The following PSMD2 variants were observed in gnomAD, a reference collection of about 807,000 sequenced individuals.
PSMD2 encodes the protein 26S proteasome non-ATPase regulatory subunit 2.
A neutral mutation model predicts 101.5 loss-of-function variants in PSMD2; 8 were observed. The ratio of observed to expected loss-of-function variants is 0.08; its 90% CI spans 0.05 to 0.14. PSMD2 has a LOEUF of 0.14. Among genes scored for constraint, PSMD2 ranks in the 10% least tolerant of loss-of-function variants. The pLI is 1.00. For synonymous variants in PSMD2, 418 were observed against 433.8 expected (o/e 0.96, Z 0.45); for missense variants, 784 against 1,147.4 (o/e 0.68, Z 4.58).
intron 1 of PSMD2, 194 bp downstream of exon 1, chr3:184,299,595 C>A: frequency 1.2e-6 from 1 of 800,446 alleles, no homozygotes; most frequent in African/African-American, 1.8e-5. Flanking sequence ...GCCGTCCCCA[C>A]CAACCCTCAC....
intron 16 of PSMD2, 76 bp from the exon 17 acceptor site, chr3:184,307,281 C>A: frequency 2.0e-6 from 3 of 1,506,754 alleles, no homozygotes. Flanking sequence ...CCCCCTTTTA[C>A]CCATCAGTCC....
rs1721887985 is a variant in PSMD2 at position 184,307,907 on chromosome 3, G to A, written c.2316G>A (p.Gly772=). 1 of 1,613,974 alleles carries A rather than the reference G, an allele frequency of 6.2e-7. No individual in the cohort carries two copies. The highest frequency in any genetic ancestry group is 1.7e-5 in the Admixed American group (1 of 59,996). ...TTTTTCAGGGCCTGACACATTTAGG[G>A]AAGGGCACCCTTACCCTCTGCCCCT... is the stretch of plus-strand genomic sequence containing the variant. The part of the protein sequence containing the change: ...VRLAQGLTHL[G]KGTLTLCPYH... Residue 772 remains glycine (G), a synonymous_variant, in exon 19 of 21, where the codon GGG becomes GGA. Coordinates refer to ENST00000310118, the MANE Select transcript of PSMD2 (RefSeq NM_002808.5).
Position 184,301,521 on chromosome 3 carries a change from ACTC to A in PSMD2, c.358-15_358-13del. ...GGACTGCTGGGTTTGACTTCAAAGAACTCTTTTCTTTATAGCGTTTTGCTGCTG... is the reference window on the plus strand; with the variant it reads ...GGACTGCTGGGTTTGACTTCAAAGAATTTTCTTTATAGCGTTTTGCTGCTG... On this transcript the variant is annotated splice_polypyrimidine_tract_variant and intron_variant, in intron 3 of 20. Coordinates refer to ENST00000310118, the MANE Select transcript of PSMD2 (RefSeq NM_002808.5). The A allele has an allele frequency of 6.2e-7, 1 of 1,612,490 alleles. No homozygotes were observed. The highest frequency in any genetic ancestry group is 8.5e-7 in the Non-Finnish European group (1 of 1,179,702).
At position 184,308,224 on chromosome 3, in the gene PSMD2, C is replaced by T. The variant is rs927682623; in HGVS notation, c.2425+208C>T. On this transcript the variant is annotated intron_variant, in intron 19 of 20. Coordinates refer to ENST00000310118, the MANE Select transcript of PSMD2 (RefSeq NM_002808.5). The surrounding 1 kb of genome is among the most constrained non-coding windows in gnomAD (Gnocchi z 6.0). ...AGAGATTTGAGGGTGATGTGCCCAG[C>T]GTCTGCTCCTAAGTCACTGGGGAAA... is the stretch of plus-strand genomic sequence containing the variant. Among the ~76,000 whole-genome samples, 2 of 152,200 alleles carry T rather than the reference C, an allele frequency of 1.3e-5. No individual in the cohort carries two copies. Among genetic ancestry groups the T allele is most frequent in the Admixed American group, 6.5e-5 (1 of 15,278 alleles).
rs1034938846 is a variant in PSMD2 at position 184,308,899 on chromosome 3, C to T, written c.*9C>T. On this transcript the variant is annotated 3_prime_UTR_variant, in exon 21 of 21. Transcript: ENST00000310118. This position sits in a 1 kb window ranked among gnomAD's most constrained non-coding sequence, Gnocchi z 6.0. ...CCAATTATGATCTCTAAGTGACCAC[C>T]AGGGGCTCTGAACTGCAGCTGATGT... is the stretch of plus-strand genomic sequence containing the variant. 5 of 1,609,332 alleles carry T rather than the reference C, an allele frequency of 3.1e-6. No homozygotes were observed. Among genetic ancestry groups the T allele is most frequent in the Non-Finnish European group, 4.2e-6 (5 of 1,178,154 alleles).
At position 184,304,231 on chromosome 3, in the gene PSMD2, G is replaced by A. The variant is rs1560195342; in HGVS notation, c.1452-73G>A. 1.1e-5 allele frequency: 17 copies of A among 1,558,428 alleles called. No individual in the cohort carries two copies. The highest frequency in any genetic ancestry group is 1.3e-5 in the Non-Finnish European group (15 of 1,129,796). On this transcript the variant is annotated intron_variant, in intron 11 of 20. Coordinates refer to ENST00000310118, the MANE Select transcript of PSMD2 (RefSeq NM_002808.5). This position sits in a 1 kb window ranked among gnomAD's most constrained non-coding sequence, Gnocchi z 4.1. ...TTGTTGAAATGGTGAATGAATGACC[G>A]ATTCTCCTTTTGTTCTTTTCTTGCT... is the stretch of plus-strand genomic sequence containing the variant.
In PSMD2 at chr3:184,304,264, T is replaced by C; in HGVS notation, c.1452-40T>C. The C allele has an allele frequency of 6.3e-7, 1 of 1,591,504 alleles. No individual in the cohort carries two copies. The highest frequency in any genetic ancestry group is 8.6e-7 in the Non-Finnish European group (1 of 1,159,420). On this transcript the variant is annotated intron_variant, in intron 11 of 20. Coordinates refer to ENST00000310118, the MANE Select transcript of PSMD2 (RefSeq NM_002808.5). This position sits in a 1 kb window ranked among gnomAD's most constrained non-coding sequence, Gnocchi z 4.1. ...TTTTGTTCTTTTCTTGCTGCATCGTTGGGTATGTGTTGGGGACCGCCTTTC... is the reference window on the plus strand; with the variant it reads ...TTTTGTTCTTTTCTTGCTGCATCGTCGGGTATGTGTTGGGGACCGCCTTTC...
chr3:184,307,558 AT>A (rs1721875865), intron 17 of PSMD2, 33 bp downstream of exon 17: 2 of 1,613,972 alleles, frequency 1.2e-6, no homozygotes, highest in Non-Finnish European at 1.7e-6. Context: ...TCATAAACAG[AT>A]TGGGGGAAGA....
In PSMD2 at chr3:184,301,992, A is replaced by G. The variant is rs1318150733; in HGVS notation, c.625A>G (p.Met209Val). 2.5e-6 allele frequency: 4 copies of G among 1,614,226 alleles called. No individual in the cohort carries two copies. The highest frequency in any genetic ancestry group is 3.4e-6 in the Non-Finnish European group (4 of 1,180,040). ...NAEHEACDLLMEIEQVDMLEK... is the reference protein window; with the variant it reads ...NAEHEACDLLVEIEQVDMLEK... ...AGAGCATGAGGCTTGCGACCTGCTTATGGAAATTGAGCAGGTGGACATGCT... is the reference window on the plus strand; with the variant it reads ...AGAGCATGAGGCTTGCGACCTGCTTGTGGAAATTGAGCAGGTGGACATGCT... The change falls in exon 5 of 21, where the codon ATG (methionine) becomes GTG (valine). Residue 209 changes from methionine (M) to valine (V), a missense_variant. This residue lies in a region of PSMD2 where 208 missense variants were observed against 301.6 expected (regional missense o/e 0.69). Coordinates refer to ENST00000310118, the MANE Select transcript of PSMD2 (RefSeq NM_002808.5).
In PSMD2 at chr3:184,308,171, C is replaced by A. The variant is rs566576485; in HGVS notation, c.2425+155C>A. The stretch of plus-strand genomic sequence containing the variant: ...CTTTGGGCCTGTGACATGAGACTTT[C>A]ATCACCCACACTTTTGATCTGGCCC... On this transcript the variant is annotated intron_variant, in intron 19 of 20. Coordinates refer to ENST00000310118, the MANE Select transcript of PSMD2 (RefSeq NM_002808.5). The surrounding 1 kb of genome is among the most constrained non-coding windows in gnomAD (Gnocchi z 6.0). Among the ~76,000 whole-genome samples, 1 of 152,366 alleles carries A rather than the reference C, an allele frequency of 6.6e-6. No homozygotes were observed. Among genetic ancestry groups the A allele is most frequent in the Non-Finnish European group, 1.5e-5 (1 of 68,044 alleles).
At position 184,307,980 on chromosome 3, in the gene PSMD2, C is replaced by G. The variant is rs752235543; in HGVS notation, c.2389C>G (p.Leu797Val). Residue 797 changes from leucine (L) to valine (V), a missense_variant, in exon 19 of 21, where the codon CTC becomes GTC. This residue lies in a region of PSMD2 where 282 missense variants were observed against 437.6 expected (regional missense o/e 0.64). Transcript: ENST00000310118. ...LMSQVAVAGL[L>V]TVLVSFLDVR... The stretch of plus-strand genomic sequence containing the variant: ...GAGCCAGGTGGCCGTGGCTGGACTG[C>G]TCACTGTGCTTGTCTCTTTCCTGGA... The G allele has an allele frequency of 1.2e-6, 2 of 1,614,022 alleles. No homozygotes were observed. The highest frequency in any genetic ancestry group is 1.7e-5 in the Admixed American group (1 of 60,002).
At chr3:184,307,168 C>G (rs1312285642) in intron 16 of PSMD2, among the ~76,000 whole-genome samples, 189 bp from the exon 17 acceptor site, 1 of 152,094 alleles carries the variant, frequency 6.6e-6, no homozygotes, top group Non-Finnish European at 1.5e-5. Flanking sequence ...TGGTCTCTAT[C>G]TCTTGACCTC....
chr3:184,303,746 T>C lies in PSMD2; in HGVS notation c.1320T>C (p.Ile440=). Residue 440 remains isoleucine, a synonymous_variant, in exon 10 of 21, where the codon ATT becomes ATC. Transcript: ENST00000310118. ...ACCTGTACTCCTCTGAGGACTACATTAAGGTTGGTCTGCATACAGCCTGCT... is the reference window on the plus strand; with the variant it reads ...ACCTGTACTCCTCTGAGGACTACATCAAGGTTGGTCTGCATACAGCCTGCT... The part of the protein sequence containing the change: ...DKYLYSSEDY[I]KSGALLACGI... 1 of 1,614,098 alleles carries C rather than the reference T, an allele frequency of 6.2e-7. No individual in the cohort carries two copies. Among genetic ancestry groups the C allele is most frequent in the South Asian group, 1.1e-5 (1 of 91,082 alleles).
At chr3:184,307,286 C>G (rs1721864534) in intron 16 of PSMD2, 71 bp from the exon 17 acceptor site, 7 of 1,529,976 alleles carry the variant, frequency 4.6e-6, no homozygotes, top group African/African-American at 1.4e-5. Flanking sequence ...TTTTACCCAT[C>G]AGTCCACTCC....
chr3:184,306,194 G>T, intron 14 of PSMD2, 39 bp downstream of exon 14: 1 of 1,606,910 alleles, frequency 6.2e-7, no homozygotes, highest in South Asian at 1.1e-5. Context: ...CTTCCCCAGT[G>T]ACTCCTCACT....
At position 184,301,828 on chromosome 3, in the gene PSMD2, C is replaced by T. The variant is rs373330024; in HGVS notation, c.480-19C>T. ...TCCCCTGAAGCTGTGCTCTCTTAAT[C>T]GTCTGGGACTATCTGTAGGCATCTG... On this transcript the variant is annotated intron_variant, in intron 4 of 20. Coordinates refer to ENST00000310118, the MANE Select transcript of PSMD2 (RefSeq NM_002808.5). 89 of 1,613,836 alleles carry T rather than the reference C, an allele frequency of 5.5e-5. No individual in the cohort carries two copies. The highest frequency in any genetic ancestry group is 7.0e-5 in the Non-Finnish European group (83 of 1,179,876).
At chr3:184,307,282 C>T (rs1721864375) in intron 16 of PSMD2, 75 bp from the exon 17 acceptor site, 1 of 1,510,610 alleles carries the variant, frequency 6.6e-7, no homozygotes, top group South Asian at 1.2e-5. Context: ...CCCCTTTTAC[C>T]CATCAGTCCA....
At chr3:184,306,620 C>T (rs1721841268) in intron 15 of PSMD2, 125 bp downstream of exon 15, 8 of 1,530,114 alleles carry the variant, frequency 5.2e-6, no homozygotes, top group Non-Finnish European at 7.1e-6. Flanking sequence ...TAGCGTGTGA[C>T]TGGGTTCTGT....
chr3:184,299,272 G>C lies in PSMD2; in HGVS notation c.6G>C (p.Glu2Asp). The C allele has an allele frequency of 1.5e-6, 2 of 1,354,182 alleles. No homozygotes were observed. The highest frequency in any genetic ancestry group is 3.0e-5 in the African/African-American group (2 of 65,616). 83.9% of individuals were successfully genotyped at this position (1,354,182 alleles called of 1,614,324 possible). M[E>D]EGGRDKAPVQ... ...GGCCGGCAGTGGCGGCGGAGATGGA[G>C]GAGGGAGGCCGGGACAAGGCGCCGG... The change falls in exon 1 of 21, where the codon GAG becomes GAC. Residue 2 changes from glutamate to aspartate, a missense_variant. Physicochemically the swap from Glu to Asp is conservative, Grantham distance 45. Transcript: ENST00000310118.
Sources: gnomAD v4.1 joint callset for allele counts (sites outside exome capture counted in the v4.1 genomes callset) on GRCh38, gnomAD v4.1.1 for gene constraint, gnomAD v4.1.1 regional missense constraint, Gnocchi (gnomAD v3.1) non-coding constraint, MANE v1.5 for transcripts, NCBI Gene and HGNC (gene_info 2026-07-23, HGNC 2026-07-21) for gene names.